Variants in TAFA4 observed in about 807,000 individuals in gnomAD.
TAFA4 encodes the protein TAFA chemokine like family member 4.
A neutral mutation model predicts 21.1 loss-of-function variants in TAFA4; 20 were observed. The ratio of observed to expected loss-of-function variants is 0.95; its 90% CI spans 0.67 to 1.38. TAFA4 has a LOEUF of 1.38. TAFA4 is among the 40% of genes most tolerant of loss of function. The pLI is 0.00. For synonymous variants in TAFA4, 71 were observed against 67.4 expected, an observed-to-expected ratio of 1.05 and a Z score of -0.26; for missense variants, 211 against 180.9, an observed-to-expected ratio of 1.17 and a Z score of -0.95.
intron 3 of TAFA4, among the ~76,000 whole-genome samples, chr3:68,786,068 A>G (rs994307666): frequency 2.0e-5 from 3 of 152,230 alleles, no homozygotes; most frequent in African/African-American, 7.2e-5. Context: ...CAATGCAGGA[A>G]GGTGATCTAT....
At chr3:68,856,238 AG>A (rs1255751680) in intron 3 of TAFA4, among the ~76,000 whole-genome samples, 2 of 152,186 alleles carry the variant, frequency 1.3e-5, no homozygotes, top group African/African-American at 4.8e-5. Flanking sequence ...AAAACTAGGT[AG>A]GAGCATGGCG....
intron 3 of TAFA4, among the ~76,000 whole-genome samples, chr3:68,817,355 C>G (rs1704004315): frequency 6.6e-6 from 1 of 152,156 alleles, no homozygotes; most frequent in African/African-American, 2.4e-5. Flanking sequence ...TCTACTACAT[C>G]TGCAGTTACT....
chr3:68,905,630 C>T (rs1380814101), intron 1 of TAFA4, among the ~76,000 whole-genome samples: 14 of 152,022 alleles, frequency 9.2e-5, no homozygotes, highest in Non-Finnish European at 1.9e-4. Flanking sequence ...GCCTAAATGA[C>T]AAGGAGGAGA....
At chr3:68,800,215 G>GA (rs1304248030) in intron 3 of TAFA4, among the ~76,000 whole-genome samples, 2 of 151,908 alleles carry the variant, frequency 1.3e-5, no homozygotes, top group Non-Finnish European at 1.5e-5. Context: ...CCCAGTCCAT[G>GA]AAAAAAATGT....
At chr3:68,755,146 TC>T (rs1559760181) in intron 3 of TAFA4, among the ~76,000 whole-genome samples, 2 of 152,164 alleles carry the variant, frequency 1.3e-5, no homozygotes, top group Non-Finnish European at 2.9e-5. Context: ...TTCTTGCTAC[TC>T]TCCCAACAAC....
At chr3:68,861,030 A>ACCCCCCCCCCCCCCCCCCCC (rs113804738) in intron 3 of TAFA4, among the ~76,000 whole-genome samples, 9 of 111,016 alleles carry the variant, frequency 8.1e-5, no homozygotes, top group African/African-American at 9.7e-5. Context: ...TTAAATATGC[A>ACCCCCCCCCCCCCCCCCCCC]CCCCCCCCCC....
intron 3 of TAFA4, among the ~76,000 whole-genome samples, chr3:68,765,522 T>G (rs1426026755): frequency 4.6e-5 from 7 of 152,174 alleles, no homozygotes; most frequent in Admixed American, 6.5e-5. Flanking sequence ...AAGTCCAGAA[T>G]TAAAATATGA....
At chr3:68,841,870 A>C (rs1704674242) in intron 3 of TAFA4, among the ~76,000 whole-genome samples, 1 of 152,184 alleles carries the variant, frequency 6.6e-6, no homozygotes, top group Non-Finnish European at 1.5e-5. Context: ...TGCAAAGGAC[A>C]TGAACTCATC....
intron 1 of TAFA4, among the ~76,000 whole-genome samples, chr3:68,924,270 T>G (rs2090086428): frequency 6.6e-6 from 1 of 152,214 alleles, no homozygotes; most frequent in South Asian, 2.1e-4. Flanking sequence ...AAATAAAGTG[T>G]GGGCTATACA....
intron 3 of TAFA4, among the ~76,000 whole-genome samples, chr3:68,779,878 C>T (rs932854680): frequency 7.2e-5 from 11 of 152,146 alleles, no homozygotes; most frequent in Admixed American, 6.5e-4. Context: ...GGTAGATCCA[C>T]CAACAGCTTG....
chr3:68,854,869 C>T (rs1705030986), intron 3 of TAFA4, among the ~76,000 whole-genome samples: 1 of 152,104 alleles, frequency 6.6e-6, no homozygotes, highest in Admixed American at 6.6e-5. Flanking sequence ...AAATATTTTA[C>T]CGAGCTCTCC....
At chr3:68,917,625 A>G (rs2090016068) in intron 1 of TAFA4, among the ~76,000 whole-genome samples, 1 of 151,910 alleles carries the variant, frequency 6.6e-6, no homozygotes, top group South Asian at 2.1e-4. Flanking sequence ...GTGGTGGCAC[A>G]TTCCTGTAAT....
At chr3:68,799,507 C>T (rs137892389) in intron 3 of TAFA4, among the ~76,000 whole-genome samples, 83 of 152,278 alleles carry the variant, frequency 5.5e-4, no homozygotes, top group African/African-American at 1.9e-3. Context: ...AACATTCAGA[C>T]CATAGCACCT....
At chr3:68,758,146 A>G (rs183146831) in intron 3 of TAFA4, among the ~76,000 whole-genome samples, 1 of 152,360 alleles carries the variant, frequency 6.6e-6, no homozygotes, top group Admixed American at 6.5e-5. Flanking sequence ...TAGAGCCTAA[A>G]ATGGCATCTC....
chr3:68,897,759 G>T (rs1457741969), intron 1 of TAFA4, among the ~76,000 whole-genome samples: 5 of 151,944 alleles, frequency 3.3e-5, no homozygotes, highest in African/African-American at 1.2e-4. Flanking sequence ...ACACTAACCG[G>T]TCCAAAGTTC....
At chr3:68,795,355 C>T (rs1001717020) in intron 3 of TAFA4, among the ~76,000 whole-genome samples, 13 of 151,874 alleles carry the variant, frequency 8.6e-5, no homozygotes, top group Admixed American at 2.6e-4. Context: ...ACCCTTCCCC[C>T]ATTCTCAATC....
chr3:68,833,286 A>C (rs1239268858), intron 3 of TAFA4, among the ~76,000 whole-genome samples: 1 of 152,190 alleles, frequency 6.6e-6, no homozygotes, highest in African/African-American at 2.4e-5. Flanking sequence ...TCTCGCTGGA[A>C]GCTATAGACT....
chr3:68,763,803 T>C (rs1702799733), intron 3 of TAFA4, among the ~76,000 whole-genome samples: 2 of 151,664 alleles, frequency 1.3e-5, no homozygotes, highest in Admixed American at 1.3e-4. Flanking sequence ...ATAAACACCA[T>C]GGAATAAATG....
intron 3 of TAFA4, among the ~76,000 whole-genome samples, chr3:68,822,456 C>T (rs1704134299): frequency 6.6e-6 from 1 of 152,096 alleles, no homozygotes; most frequent in Admixed American, 6.5e-5. Flanking sequence ...CAAGAGGCAA[C>T]ATTGCTAAAA....
Sources: gnomAD v4.1 joint callset for allele counts (sites outside exome capture counted in the v4.1 genomes callset) on GRCh38, gnomAD v4.1.1 for gene constraint, MANE v1.5 for transcripts, NCBI Gene and HGNC (gene_info 2026-07-23, HGNC 2026-07-21) for gene names.